The following CD163L1 variants were observed in gnomAD, a reference collection of about 807,000 sequenced individuals.
The protein encoded by CD163L1 is CD163 molecule like 1, also known as scavenger receptor cysteine-rich type 1 protein M160.
In CD163L1, 124 loss-of-function variants were observed where a neutral mutation model predicts 165.4. The observed-to-expected ratio is 0.75, with a 90% CI of 0.65 to 0.87. The LOEUF (loss-of-function observed/expected upper bound fraction) is 0.87, where lower values mean the gene tolerates loss of function less well. CD163L1 is among the 40% of genes least tolerant of loss of function. The pLI is 0.00. For missense variants in CD163L1, 1,525 were observed against 1,799.9 expected, an observed-to-expected ratio of 0.85 and a Z score of 2.76; for synonymous variants, 585 against 662.2, an observed-to-expected ratio of 0.88 and a Z score of 1.79.
At chr12:7,360,000 G>A (rs1946858725) in intron 18 of CD163L1, among the ~76,000 whole-genome samples, 1 of 151,958 alleles carries the variant, frequency 6.6e-6, no homozygotes, top group Admixed American at 6.6e-5. Context: ...TATATATTTA[G>A]TTTGGTGTTT....
chr12:7,331,812 A>G, the CD163L1 span, among the ~76,000 whole-genome samples: 1 of 152,244 alleles, frequency 6.6e-6, no homozygotes, highest in South Asian at 2.1e-4. Flanking sequence ...CCAAAGGTAG[A>G]TAAAACCACA....
At position 7,433,357 on chromosome 12, in the gene CD163L1, T is replaced by C. The variant is rs1263555970; in HGVS notation, c.445+17A>G. On this transcript the variant is annotated intron_variant, in intron 3 of 19. Transcript: ENST00000313599. ...GGTAGGTCTTACCTTGCCTTCCTAC[T>C]CTAGTTAGACTCTTACCATAACAGT... 1 of 1,562,644 alleles carries C rather than the reference T, an allele frequency of 6.4e-7. No individual in the cohort carries two copies. The highest frequency in any genetic ancestry group is 1.8e-5 in the Admixed American group (1 of 56,126).
intron 19 of CD163L1, 89 bp from the exon 20 acceptor site, chr12:7,355,219 G>A (rs1231493135): frequency 6.6e-6 from 1 of 152,062 alleles, no homozygotes; most frequent in Non-Finnish European, 1.5e-5. Flanking sequence ...ACACGTGTGT[G>A]TGTGCACACA....
At position 7,368,165 on chromosome 12, in the gene CD163L1, C is replaced by T; in HGVS notation, c.4105G>A (p.Gly1369Arg). The T allele has an allele frequency of 6.2e-7, 1 of 1,609,586 alleles. No individual in the cohort carries two copies. Among genetic ancestry groups the T allele is most frequent in the Non-Finnish European group, 8.5e-7 (1 of 1,176,354 alleles). The change falls in exon 17 of 20, where the codon GGG becomes AGG. Residue 1369 changes from glycine (G) to arginine (R), a missense_variant. Physicochemically the swap from Gly to Arg is moderately radical, Grantham distance 125 (BLOSUM62 -2). Coordinates refer to ENST00000313599, the MANE Select transcript of CD163L1 (RefSeq NM_174941.6). The surrounding 1 kb of genome is among the most constrained non-coding windows in gnomAD (Gnocchi z 4.3). ...HLALILSSIF[G>R]LLLLVLFILF... is the part of the protein sequence containing the mutation. Reference sequence around the variant, plus strand: ...ATAAACAGAACCAGGAGAAGGAGCCCAAAGATACTGGATAAAATAAGTGCT... The same window carrying T: ...ATAAACAGAACCAGGAGAAGGAGCCTAAAGATACTGGATAAAATAAGTGCT...
chr12:7,396,050 A>C, intron 8 of CD163L1, 45 bp downstream of exon 8: 4 of 1,504,202 alleles, frequency 2.7e-6, no homozygotes, highest in Non-Finnish European at 3.6e-6. Flanking sequence ...ATGTTAGAGA[A>C]CCCAGGCAGT....
intron 18 of CD163L1, among the ~76,000 whole-genome samples, chr12:7,358,283 C>A (rs774471744): frequency 3.9e-5 from 6 of 152,150 alleles, no homozygotes; most frequent in Non-Finnish European, 8.8e-5. Flanking sequence ...AGTGGACCTA[C>A]ATTTTTGTTT....
chr12:7,336,759 A>G, the CD163L1 span, among the ~76,000 whole-genome samples: 1 of 151,952 alleles, frequency 6.6e-6, no homozygotes, highest in Non-Finnish European at 1.5e-5. Context: ...CATACCTTGT[A>G]AAGTAATGCT....
intron 4 of CD163L1, among the ~76,000 whole-genome samples, chr12:7,349,872 T>C (rs1479626922): frequency 6.6e-6 from 1 of 152,062 alleles, no homozygotes; most frequent in East Asian, 1.9e-4. Flanking sequence ...CATTGAGGAG[T>C]GATAGTATAT....
chr12:7,406,408 C>G (rs1436991428), intron 5 of CD163L1, 124 bp downstream of exon 5: 2 of 846,846 alleles, frequency 2.4e-6, no homozygotes, highest in African/African-American at 3.4e-5. Context: ...TTACACATCA[C>G]AATTGGTTGT....
intron 4 of CD163L1, among the ~76,000 whole-genome samples, chr12:7,423,749 GACACAT>G (rs1948484586): frequency 6.6e-6 from 1 of 151,970 alleles, no homozygotes; most frequent in Non-Finnish European, 1.5e-5. Flanking sequence ...TAAATTCCTG[GACACAT>G]ACCCCCTCCC....
chr12:7,433,297 T>C (rs185170148), intron 3 of CD163L1, 77 bp downstream of exon 3: 304 of 1,333,252 alleles, frequency 2.3e-4, no homozygotes, highest in Non-Finnish European at 2.8e-4. Context: ...AAAGTCATAA[T>C]AGAAACCCCT....
intron 8 of CD163L1, among the ~76,000 whole-genome samples, chr12:7,387,464 A>G (rs1454315786): frequency 1.3e-5 from 2 of 152,300 alleles, no homozygotes; most frequent in Non-Finnish European, 2.9e-5. Context: ...TTGATTCTCA[A>G]TGTCAGAGGT....
chr12:7,348,351 A>G (rs1244397108), intron 4 of CD163L1, among the ~76,000 whole-genome samples: 2 of 152,238 alleles, frequency 1.3e-5, no homozygotes, highest in Admixed American at 1.3e-4. Flanking sequence ...GCACAGACCT[A>G]GCTAAAAATC....
In CD163L1 at chr12:7,386,617, A is replaced by C. The variant is rs113813202; in HGVS notation, c.2051-7319T>G. Among the ~76,000 whole-genome samples the C allele has an allele frequency of 5.1e-4, 77 of 151,798 alleles. 2 individuals are homozygous for C. Among genetic ancestry groups the C allele is most frequent in the Non-Finnish European group, 2.1e-4 (14 of 67,798 alleles). ...CCGTCAACATATCAAAAAAAAAAAA[A>C]AAAACAGTATAGTCAAGTGGGATTT... On this transcript the variant is annotated intron_variant, in intron 8 of 19. Transcript: ENST00000313599.
intron 8 of CD163L1, among the ~76,000 whole-genome samples, chr12:7,379,804 A>C (rs1338135487): frequency 1.3e-5 from 2 of 152,152 alleles, no homozygotes; most frequent in African/African-American, 2.4e-5. Flanking sequence ...AATTCTAAAA[A>C]GAAATTGGAG....
rs1373160758 is a variant in CD163L1 at position 7,375,477 on chromosome 12, AC to A, written c.2804del (p.Arg935LeufsTer36). The A allele has an allele frequency of 6.2e-7, 1 of 1,614,170 alleles. No homozygotes were observed. Among genetic ancestry groups the A allele is most frequent in the Admixed American group, 1.7e-5 (1 of 60,024 alleles). The stretch of plus-strand genomic sequence containing the variant: ...CACAGCTGAGCTGTCTGCATAGAAC[AC>A]GGGCATCTTCTGGGTCCCAGTGGGT... ...CDTHWDPEDARVLCRQLSCGT... is the reference protein window; with the variant it reads ...CDTHWDPEDAXVLCRQLSCGT... On this transcript the variant is annotated frameshift_variant, in exon 11 of 20. Coordinates refer to ENST00000313599, the MANE Select transcript of CD163L1 (RefSeq NM_174941.6). LOFTEE classifies it high-confidence loss of function.
intron 7 of CD163L1, among the ~76,000 whole-genome samples, chr12:7,397,609 T>C (rs1277856454): frequency 3.3e-5 from 5 of 152,122 alleles, no homozygotes; most frequent in Admixed American, 3.3e-4. Context: ...TTAATCCTAC[T>C]TTGCTTGAAG....
At chr12:7,409,998 G>C in intron 4 of CD163L1, among the ~76,000 whole-genome samples, 1 of 151,808 alleles carries the variant, frequency 6.6e-6, no homozygotes, top group East Asian at 1.9e-4. Flanking sequence ...ATATATGTAC[G>C]ACAAAATAAA....
rs775143614 is a variant in CD163L1, at chr12:7,368,131, A to C, written c.4139T>G (p.Leu1380Arg). 6.2e-7 allele frequency: 1 copy of C among 1,612,880 alleles called. No individual in the cohort carries two copies. The highest frequency in any genetic ancestry group is 8.5e-7 in the Non-Finnish European group (1 of 1,178,910). Residue 1380 changes from leucine to arginine, a missense_variant, in exon 17 of 20, where the codon CTC becomes CGC. Leu to Arg is a moderately radical substitution (Grantham distance 102). Coordinates refer to ENST00000313599, the MANE Select transcript of CD163L1 (RefSeq NM_174941.6). The surrounding 1 kb of genome is among the most constrained non-coding windows in gnomAD (Gnocchi z 4.3). ...LLLLVLFILF[L>R]TWCRVQKQKH... ...TTGTTTCTGAACTCGGCACCACGTGAGAAATAGAATAAACAGAACCAGGAG... is the reference window on the plus strand; with the variant it reads ...TTGTTTCTGAACTCGGCACCACGTGCGAAATAGAATAAACAGAACCAGGAG...
Sources: gnomAD v4.1 joint callset for allele counts (sites outside exome capture counted in the v4.1 genomes callset) on GRCh38, gnomAD v4.1.1 for gene constraint, Gnocchi (gnomAD v3.1) non-coding constraint, MANE v1.5 for transcripts, NCBI Gene and HGNC (gene_info 2026-07-23, HGNC 2026-07-21) for gene names.